The following PTPN12 variants were observed in gnomAD, a reference collection of about 807,000 sequenced individuals.
PTPN12 encodes protein tyrosine phosphatase non-receptor type 12.
In PTPN12, 29 loss-of-function variants were observed where a neutral mutation model predicts 97.6. The ratio of observed to expected loss-of-function variants is 0.30; its 90% CI spans 0.22 to 0.41. PTPN12 has a LOEUF of 0.41. PTPN12 is among the 10% of genes least tolerant of loss of function. PTPN12 has a pLI of 1.00. For synonymous variants in PTPN12, 327 were observed against 300.4 expected (o/e 1.09, Z -0.91); for missense variants, 819 against 926.0 (o/e 0.88, Z 1.50).
chr7:77,636,105 A>G (rs1298817052), intron 15 of PTPN12, among the ~76,000 whole-genome samples: 1 of 152,182 alleles, frequency 6.6e-6, no homozygotes, highest in Non-Finnish European at 1.5e-5. Flanking sequence ...TTTTTGAAAT[A>G]TGTAAATTAT....
intron 2 of PTPN12, among the ~76,000 whole-genome samples, chr7:77,574,295 C>T (rs962052696): frequency 6.6e-6 from 1 of 152,072 alleles, no homozygotes; most frequent in African/African-American, 2.4e-5. Flanking sequence ...AACTGGTCCT[C>T]TGAAAGTTCT....
At chr7:77,614,905 T>C (rs1339156378) in intron 11 of PTPN12, among the ~76,000 whole-genome samples, 4 of 152,250 alleles carry the variant, frequency 2.6e-5, no homozygotes, top group Non-Finnish European at 4.4e-5. Context: ...TCCAGTATTA[T>C]TTCTGTAGAA....
chr7:77,600,374 ACTT>A (rs1240234554), intron 7 of PTPN12, among the ~76,000 whole-genome samples: 2 of 152,164 alleles, frequency 1.3e-5, no homozygotes, highest in Non-Finnish European at 2.9e-5. Context: ...CACACTTGTC[ACTT>A]CTTAGGAAAG....
chr7:77,543,347 T>C (rs1465943786), intron 1 of PTPN12, among the ~76,000 whole-genome samples: 32 of 76,970 alleles, frequency 4.2e-4, no homozygotes, highest in Admixed American at 1.1e-3. Context: ...CCACTGCCTT[T>C]TTTTTTTTTT....
chr7:77,631,550 C>G (rs578162623), intron 13 of PTPN12, among the ~76,000 whole-genome samples: 1 of 152,290 alleles, frequency 6.6e-6, no homozygotes, highest in South Asian at 2.1e-4. Flanking sequence ...TATTTTCTTT[C>G]TATTCCTCCA....
At chr7:77,575,676 T>C (rs549080073) in intron 2 of PTPN12, among the ~76,000 whole-genome samples, 156 of 152,338 alleles carry the variant, frequency 1.0e-3, no homozygotes, top group Non-Finnish European at 1.3e-3. Context: ...AGTAAATTTA[T>C]AGAGTTTTGC....
chr7:77,602,929 T>C (rs1285803622), intron 8 of PTPN12, among the ~76,000 whole-genome samples: 1 of 152,222 alleles, frequency 6.6e-6, no homozygotes. Context: ...TTTTATTATT[T>C]ACATAGTTAA....
intron 4 of PTPN12, among the ~76,000 whole-genome samples, chr7:77,584,744 G>A (rs1247342746): frequency 2.0e-5 from 3 of 152,046 alleles, no homozygotes; most frequent in African/African-American, 7.2e-5. Flanking sequence ...GGACGTGGTG[G>A]CGGGCGCCTG....
intron 14 of PTPN12, among the ~76,000 whole-genome samples, chr7:77,633,621 A>T (rs1562766002): frequency 6.6e-6 from 1 of 151,644 alleles, no homozygotes; most frequent in Non-Finnish European, 1.5e-5. Flanking sequence ...AAAAAAAAAA[A>T]GTAGCACTTA....
At chr7:77,625,476 T>TCG (rs1562758666) in intron 12 of PTPN12, among the ~76,000 whole-genome samples, 2 of 27,612 alleles carry the variant, frequency 7.2e-5, no homozygotes, top group Non-Finnish European at 1.2e-4. Context: ...CTGCTCGCTC[T>TCG]CTCTCTCTCT....
chr7:77,585,044 G>A (rs1235549630), intron 4 of PTPN12: 1 of 152,202 alleles, frequency 6.6e-6, no homozygotes, highest in Non-Finnish European at 1.5e-5. Flanking sequence ...GTTAATGATA[G>A]AATATAGGTG....
At chr7:77,584,669 A>T (rs1354301787) in intron 4 of PTPN12, among the ~76,000 whole-genome samples, 2 of 152,278 alleles carry the variant, frequency 1.3e-5, no homozygotes, top group East Asian at 3.9e-4. Flanking sequence ...CGAGGTCAGG[A>T]GATCGAGACC....
chr7:77,604,209 CTTTTTTTTTT>C (rs71082768), intron 8 of PTPN12, among the ~76,000 whole-genome samples: 10 of 52,792 alleles, frequency 1.9e-4, no homozygotes, highest in Non-Finnish European at 2.5e-4. Flanking sequence ...TTTTTTCTTC[CTTTTTTTTTT>C]TTTTTTTTTT....
rs1554321255 is a variant in PTPN12, at chr7:77,605,409, G to GGTTTTTTTTTTTTT, written c.696-1826_696-1825insGTTTTTTTTTTTTT. ...TTACTTTAAAATACTTTTGTCATGA[G>GGTTTTTTTTTTTTT]TTTTTTTTTTTTTTTTTTTTTTTTT... On this transcript the variant is annotated intron_variant, in intron 8 of 17. Coordinates refer to ENST00000248594, the MANE Select transcript of PTPN12 (RefSeq NM_002835.4). 3.4e-3 allele frequency among the ~76,000 whole-genome samples: 327 copies of GGTTTTTTTTTTTTT among 95,534 alleles called. 77 individuals are homozygous for GGTTTTTTTTTTTTT. The highest frequency in any genetic ancestry group is 0.014 in the Middle Eastern group (2 of 140). The allele number at this position is 95,534 out of a possible 152,430, so 62.7% of individuals were successfully genotyped here.
intron 12 of PTPN12, among the ~76,000 whole-genome samples, chr7:77,618,791 C>T (rs1465683045): frequency 6.6e-6 from 1 of 152,082 alleles, no homozygotes; most frequent in Non-Finnish European, 1.5e-5. Context: ...GTGGATACTA[C>T]CATGAATTGA....
intron 7 of PTPN12, 47 bp downstream of exon 7, chr7:77,597,948 C>A: frequency 6.3e-7 from 1 of 1,595,916 alleles, no homozygotes; most frequent in Non-Finnish European, 8.5e-7. Flanking sequence ...AGTTTTCAGG[C>A]TGGGTGCAGT....
At chr7:77,557,489 G>T (rs774308583) in intron 1 of PTPN12, among the ~76,000 whole-genome samples, 1 of 152,046 alleles carries the variant, frequency 6.6e-6, no homozygotes, top group Non-Finnish European at 1.5e-5. Context: ...TTTTCAGTTT[G>T]TTTAGCTTTT....
intron 1 of PTPN12, among the ~76,000 whole-genome samples, chr7:77,541,039 C>T (rs552701612): frequency 6.6e-6 from 1 of 152,268 alleles, no homozygotes; most frequent in Non-Finnish European, 1.5e-5. Flanking sequence ...TCCTACAGTC[C>T]TGTCATTTAA....
At chr7:77,541,808 G>A (rs1278608129) in intron 1 of PTPN12, among the ~76,000 whole-genome samples, 1 of 152,108 alleles carries the variant, frequency 6.6e-6, no homozygotes, top group Non-Finnish European at 1.5e-5. Context: ...AGACAGCTAA[G>A]GTACCCAGAC....
Sources: allele counts gnomAD v4.1 joint callset (sites outside exome capture counted in the v4.1 genomes callset), GRCh38; gene constraint gnomAD v4.1.1; transcripts MANE v1.5; gene names NCBI Gene and HGNC (gene_info 2026-07-23, HGNC 2026-07-21).